HIPK2: variants seen among roughly 807,000 people sequenced by gnomAD.
HIPK2 encodes homeodomain interacting protein kinase 2.
A neutral mutation model predicts 113.7 loss-of-function variants in HIPK2; 27 were observed. The ratio of observed to expected loss-of-function variants is 0.24; its 90% CI spans 0.17 to 0.33. The LOEUF (loss-of-function observed/expected upper bound fraction) is 0.33. Ranked by LOEUF, HIPK2 falls within the 10% of genes least tolerant of loss-of-function variation. The pLI is 1.00. For missense variants in HIPK2, 1,257 were observed against 1,588.0 expected (o/e 0.79, Z 3.54); for synonymous variants, 631 against 642.2 (o/e 0.98, Z 0.26).
intron 1 of HIPK2, among the ~76,000 whole-genome samples, chr7:139,755,493 T>C (rs924368149): frequency 2.6e-5 from 4 of 152,264 alleles, no homozygotes; most frequent in African/African-American, 4.8e-5. Context: ...CAATTTGTTT[T>C]CTACCATCCT....
intron 7 of HIPK2, among the ~76,000 whole-genome samples, chr7:139,616,092 G>T (rs1263223795): frequency 6.6e-6 from 1 of 151,964 alleles, no homozygotes; most frequent in Non-Finnish European, 1.5e-5. Context: ...GCCCCTGTGG[G>T]TGTCCCTGCT....
At chr7:139,729,464 G>A (rs1476151012) in intron 1 of HIPK2, among the ~76,000 whole-genome samples, 1 of 151,768 alleles carries the variant, frequency 6.6e-6, no homozygotes, top group African/African-American at 2.4e-5. Context: ...AACCTAAGTA[G>A]GCCCCAAAAG....
intron 6 of HIPK2, among the ~76,000 whole-genome samples, chr7:139,622,887 A>G (rs1800282584): frequency 6.6e-6 from 1 of 152,108 alleles, no homozygotes; most frequent in Admixed American, 6.5e-5. Context: ...GCTGATGCTC[A>G]CGGTCTCCAT....
In HIPK2 at chr7:139,631,175, C is replaced by G; in HGVS notation, c.1337G>C (p.Trp446Ser). Residue 446 changes from tryptophan (W) to serine (S), a missense_variant, in exon 4 of 15, where the codon TGG (tryptophan) becomes TCG (serine). Coordinates refer to ENST00000406875, the MANE Select transcript of HIPK2 (RefSeq NM_022740.5). This position sits in a 1 kb window ranked among gnomAD's most constrained non-coding sequence, Gnocchi z 4.9. ...NRDTDSPYPL[W>S]RLKTPDDHEA... The stretch of plus-strand genomic sequence containing the variant: ...AGACGCTCTTCCTACCTTCAGTCTC[C>G]ACAAAGGATATGGTGAGTCCGTGTC... The G allele has an allele frequency of 6.2e-7, 1 of 1,612,522 alleles. No individual in the cohort carries two copies. Among genetic ancestry groups the G allele is most frequent in the Non-Finnish European group, 8.5e-7 (1 of 1,179,274 alleles).
At chr7:139,635,987 TC>T (rs1800800024) in intron 2 of HIPK2, among the ~76,000 whole-genome samples, 1 of 152,130 alleles carries the variant, frequency 6.6e-6, no homozygotes, top group African/African-American at 2.4e-5. Flanking sequence ...GAGAGTCATC[TC>T]CCCCTGTGGT....
chr7:139,707,193 A>G (rs985615328), intron 2 of HIPK2, among the ~76,000 whole-genome samples: 4 of 152,232 alleles, frequency 2.6e-5, no homozygotes, highest in Non-Finnish European at 4.4e-5. Flanking sequence ...TAGGCCTGTG[A>G]TCATCTCCTA....
chr7:139,761,279 G>GT (rs1796459884), intron 1 of HIPK2, among the ~76,000 whole-genome samples: 1 of 152,212 alleles, frequency 6.6e-6, no homozygotes, highest in Non-Finnish European at 1.5e-5. Context: ...AGGCAAGAAT[G>GT]ACCACTGGGT....
At position 139,690,859 on chromosome 7, in the gene HIPK2, G is replaced by A. The variant is rs79279942; in HGVS notation, c.1103+25073C>T. On this transcript the variant is annotated intron_variant, in intron 2 of 14. Coordinates refer to ENST00000406875, the MANE Select transcript of HIPK2 (RefSeq NM_022740.5). ...TTTTGCAGACATCAGAATCATGAGC[G>A]AAATAAACTTCTTTTCTTTATAAAT... 2.8e-3 allele frequency among the ~76,000 whole-genome samples: 422 copies of A among 152,120 alleles called. 4 individuals carry two copies. The East Asian group carries it at 0.036, about 13-fold the overall frequency.
chr7:139,608,107 G>A (rs1299161046), intron 9 of HIPK2, among the ~76,000 whole-genome samples: 3 of 151,806 alleles, frequency 2.0e-5, no homozygotes, highest in African/African-American at 7.3e-5. Flanking sequence ...GCCGGGGCGT[G>A]GTGGCACATG....
At chr7:139,616,397 T>G (rs983440842) in intron 7 of HIPK2, among the ~76,000 whole-genome samples, 2 of 152,204 alleles carry the variant, frequency 1.3e-5, no homozygotes, top group Non-Finnish European at 2.9e-5. Flanking sequence ...TTGATGAACA[T>G]GGTATGCGCC....
intron 12 of HIPK2, among the ~76,000 whole-genome samples, chr7:139,591,156 A>T (rs997307695): frequency 6.6e-6 from 1 of 152,260 alleles, no homozygotes; most frequent in Admixed American, 6.5e-5. Context: ...TCCTCCTTTC[A>T]AATTGTATTA....
chr7:139,620,708 G>A (rs1800205261), intron 6 of HIPK2, 145 bp from the exon 7 acceptor site: 7 of 1,100,914 alleles, frequency 6.4e-6, no homozygotes, highest in Non-Finnish European at 9.2e-6. Context: ...TTAGGTCTAA[G>A]TTTCTTGGAT....
At chr7:139,698,951 G>A (rs937494185) in intron 2 of HIPK2, among the ~76,000 whole-genome samples, 1 of 152,184 alleles carries the variant, frequency 6.6e-6, no homozygotes, top group African/African-American at 2.4e-5. Context: ...GAGAAGAGCA[G>A]AGTGCCCAAA....
intron 2 of HIPK2, among the ~76,000 whole-genome samples, chr7:139,680,678 A>T (rs1301124832): frequency 6.6e-6 from 1 of 152,250 alleles, no homozygotes; most frequent in Admixed American, 6.5e-5. Context: ...CCTTCAGAAG[A>T]CAGAACCTTT....
In HIPK2 at chr7:139,596,791, G is replaced by A. The variant is rs377358841; in HGVS notation, c.2643C>T (p.Pro881=). ...QRQTIVIPDT[P]SPTVSVITIS... Reference sequence around the variant, plus strand: ...TGGTGATGACGCTGACCGTGGGGCTGGGAGTGTCGGGAATGACAATTGTCT... The same window carrying A: ...TGGTGATGACGCTGACCGTGGGGCTAGGAGTGTCGGGAATGACAATTGTCT... Residue 881 remains proline, a synonymous_variant, in exon 12 of 15, where the codon CCC becomes CCT. Coordinates refer to ENST00000406875, the MANE Select transcript of HIPK2 (RefSeq NM_022740.5). 3.7e-5 allele frequency: 59 copies of A among 1,613,980 alleles called. No homozygotes were observed. The South Asian group carries it at 6.0e-4, about 17-fold the overall frequency.
intron 2 of HIPK2, among the ~76,000 whole-genome samples, chr7:139,652,347 C>T (rs1462035612): frequency 1.3e-5 from 2 of 152,126 alleles, no homozygotes; most frequent in Non-Finnish European, 2.9e-5. Flanking sequence ...GTCTGCCTCC[C>T]CCTTCCCCTG....
intron 1 of HIPK2, among the ~76,000 whole-genome samples, chr7:139,732,485 C>T (rs1462086633): frequency 6.6e-6 from 1 of 152,164 alleles, no homozygotes; most frequent in Non-Finnish European, 1.5e-5. Flanking sequence ...GATAGCTCTC[C>T]TATGTCTTGC....
Position 139,716,734 on chromosome 7 carries a change from T to G in HIPK2, c.301A>C (p.Thr101Pro), listed in dbSNP as rs759402713. ...GHIVVTSASSTSVTGQVLGGP... is the reference protein window; with the variant it reads ...GHIVVTSASSPSVTGQVLGGP... ...CCGAGGACTTGCCCGGTGACAGAAG[T>G]GCTGCTTGCTGAGGTGACCACGATG... The change falls in exon 2 of 15, where the codon ACT becomes CCT. Residue 101 changes from threonine to proline, a missense_variant. Physicochemically the swap from Thr to Pro is conservative, Grantham distance 38. Around this residue, in one of 5 missense-constraint regions of HIPK2, gnomAD observed 209 missense variants for 237.8 expected, o/e 0.88. Transcript: ENST00000406875. This position sits in a 1 kb window ranked among gnomAD's most constrained non-coding sequence, Gnocchi z 9.3. 1 of 1,613,930 alleles carries G rather than the reference T, an allele frequency of 6.2e-7. No individual in the cohort carries two copies. Among genetic ancestry groups the G allele is most frequent in the South Asian group, 1.1e-5 (1 of 91,068 alleles).
chr7:139,667,930 C>T (rs1280012753), intron 2 of HIPK2, among the ~76,000 whole-genome samples: 2 of 151,562 alleles, frequency 1.3e-5, no homozygotes, highest in Non-Finnish European at 2.9e-5. Flanking sequence ...GAGTTCGAGA[C>T]CAGCCTGACC....
Sources: gnomAD v4.1 joint callset for allele counts (sites outside exome capture counted in the v4.1 genomes callset) on GRCh38, gnomAD v4.1.1 for gene constraint, gnomAD v4.1.1 regional missense constraint, Gnocchi (gnomAD v3.1) non-coding constraint, MANE v1.5 for transcripts, NCBI Gene and HGNC (gene_info 2026-07-23, HGNC 2026-07-21) for gene names.